Variants in ERBB4 observed in about 807,000 individuals in gnomAD.
ERBB4 encodes erb-b2 receptor tyrosine kinase 4.
In ERBB4, 42 loss-of-function variants were observed where a neutral mutation model predicts 158.0. The observed-to-expected ratio is 0.27, with a 90% CI of 0.21 to 0.34. The LOEUF (loss-of-function observed/expected upper bound fraction) is 0.34, where lower values mean the gene tolerates loss of function less well. ERBB4 is among the 10% of genes least tolerant of loss of function. The pLI is 1.00. For missense variants in ERBB4, 1,333 were observed against 1,624.1 expected (o/e 0.82, Z 3.08); for synonymous variants, 583 against 558.7 (o/e 1.04, Z -0.61).
At chr2:212,311,443 A>G (rs1416207439) in intron 1 of ERBB4, among the ~76,000 whole-genome samples, 1 of 150,876 alleles carries the variant, frequency 6.6e-6, no homozygotes, top group African/African-American at 2.4e-5. Context: ...TCCTATCACC[A>G]TAGAGTTGCA....
intron 10 of ERBB4, among the ~76,000 whole-genome samples, 161 bp from the exon 11 acceptor site, chr2:211,704,355 C>G (rs183018786): frequency 4.6e-5 from 7 of 152,244 alleles, no homozygotes; most frequent in Non-Finnish European, 1.0e-4. Context: ...TGTATTCTTC[C>G]AAGATTGAGT....
intron 5 of ERBB4, among the ~76,000 whole-genome samples, chr2:211,741,868 T>G: frequency 6.6e-6 from 1 of 152,232 alleles, no homozygotes; most frequent in Non-Finnish European, 1.5e-5. Context: ...TATCAACTTA[T>G]GTCAAAATGA....
At chr2:212,400,995 C>T (rs975300955) in intron 1 of ERBB4, among the ~76,000 whole-genome samples, 2 of 152,092 alleles carry the variant, frequency 1.3e-5, no homozygotes, top group African/African-American at 4.8e-5. Flanking sequence ...AAGTAAATTG[C>T]TAGAGAATGC....
intron 9 of ERBB4, among the ~76,000 whole-genome samples, chr2:211,709,162 A>AT (rs1222041373): frequency 6.7e-6 from 1 of 150,276 alleles, no homozygotes; most frequent in African/African-American, 2.5e-5. Flanking sequence ...ACCTGTTTCC[A>AT]TTTTTTATTG....
At chr2:211,448,806 A>G (rs1361524937) in intron 20 of ERBB4, among the ~76,000 whole-genome samples, 1 of 152,172 alleles carries the variant, frequency 6.6e-6, no homozygotes, top group Non-Finnish European at 1.5e-5. Context: ...CACTGAGGTC[A>G]TGCATCTTCT....
intron 1 of ERBB4, among the ~76,000 whole-genome samples, chr2:212,307,732 G>A (rs2086865697): frequency 6.6e-6 from 1 of 151,124 alleles, no homozygotes; most frequent in Non-Finnish European, 1.5e-5. Flanking sequence ...TCACAGTCTA[G>A]TGTTTAAAAT....
intron 2 of ERBB4, among the ~76,000 whole-genome samples, chr2:212,113,761 T>C (rs982410354): frequency 3.3e-5 from 5 of 152,048 alleles, no homozygotes; most frequent in Non-Finnish European, 7.4e-5. Flanking sequence ...TAGGTTTCTA[T>C]GTAAGAGTGT....
intron 1 of ERBB4, among the ~76,000 whole-genome samples, chr2:212,356,439 G>A (rs971646526): frequency 3.3e-5 from 5 of 151,778 alleles, no homozygotes; most frequent in African/African-American, 1.2e-4. Context: ...AAATCTGATG[G>A]CTCTACTAAT....
At chr2:212,096,130 TA>T (rs1257549670) in intron 2 of ERBB4, among the ~76,000 whole-genome samples, 1 of 151,900 alleles carries the variant, frequency 6.6e-6, no homozygotes, top group African/African-American at 2.4e-5. Flanking sequence ...TTTTAATTTA[TA>T]AAAGGAAAAT....
chr2:212,140,236 T>C (rs76482696), intron 1 of ERBB4, among the ~76,000 whole-genome samples: 8,752 of 151,080 alleles, frequency 0.058, 344 homozygotes, highest in East Asian at 0.1. Flanking sequence ...AGATACTTTT[T>C]AAGAATATAT....
chr2:211,549,544 C>T (rs1036042170), intron 20 of ERBB4, among the ~76,000 whole-genome samples: 20 of 152,064 alleles, frequency 1.3e-4, no homozygotes, highest in Non-Finnish European at 2.2e-4. Context: ...GCCCTAGCCA[C>T]GTTGATCGGG....
At chr2:211,384,977 C>T (rs75565990) in intron 27 of ERBB4, among the ~76,000 whole-genome samples, 1,593 of 152,036 alleles carry the variant, frequency 0.01, 15 homozygotes, top group Non-Finnish European at 0.018. Flanking sequence ...GACATAAACA[C>T]GCATGTATTG....
At chr2:211,628,735 G>T (rs1482310937) in intron 17 of ERBB4, among the ~76,000 whole-genome samples, 1 of 152,190 alleles carries the variant, frequency 6.6e-6, no homozygotes, top group Non-Finnish European at 1.5e-5. Context: ...GATCGCTGAG[G>T]AATCACCACA....
intron 3 of ERBB4, among the ~76,000 whole-genome samples, chr2:211,815,066 C>A (rs527862427): frequency 6.6e-6 from 1 of 152,128 alleles, no homozygotes; most frequent in African/African-American, 2.4e-5. Flanking sequence ...CGCATGGGGA[C>A]CCTATTCATT....
intron 2 of ERBB4, among the ~76,000 whole-genome samples, chr2:212,045,789 T>C (rs2077247441): frequency 6.6e-6 from 1 of 152,184 alleles, no homozygotes; most frequent in African/African-American, 2.4e-5. Context: ...TCTGCTGAAA[T>C]AACCAAGAGT....
intron 1 of ERBB4, among the ~76,000 whole-genome samples, chr2:212,130,069 G>A (rs1054563240): frequency 2.0e-5 from 3 of 151,974 alleles, no homozygotes; most frequent in African/African-American, 4.8e-5. Flanking sequence ...ACAAGACAAC[G>A]CTTAAACCAT....
At chr2:212,318,551 A>C (rs1221837133) in intron 1 of ERBB4, among the ~76,000 whole-genome samples, 1 of 151,636 alleles carries the variant, frequency 6.6e-6, no homozygotes, top group Non-Finnish European at 1.5e-5. Flanking sequence ...AAATCAGAAA[A>C]AAAAGAAGTG....
At chr2:211,683,813 A>G (rs2072454667) in intron 12 of ERBB4, among the ~76,000 whole-genome samples, 1 of 151,736 alleles carries the variant, frequency 6.6e-6, no homozygotes, top group Admixed American at 6.6e-5. Context: ...CTCACCAACC[A>G]TGTATTCATT....
rs538544736 is a variant in ERBB4 at position 211,596,921 on chromosome 2, T to C, written c.2301+22256A>G. 2.0e-3 allele frequency among the ~76,000 whole-genome samples: 310 copies of C among 152,226 alleles called. 2 individuals are homozygous for C. The highest frequency in any genetic ancestry group is 7.1e-3 in the African/African-American group (297 of 41,540). On this transcript the variant is annotated intron_variant, in intron 19 of 27. Coordinates refer to ENST00000342788, the MANE Select transcript of ERBB4 (RefSeq NM_005235.3). Reference sequence around the variant, plus strand: ...CTGGAATTACACGTGCCTGCCACCATGCCCAGCTAATCTTTTGTATTTTTA... The same window carrying C: ...CTGGAATTACACGTGCCTGCCACCACGCCCAGCTAATCTTTTGTATTTTTA...
Sources: gnomAD v4.1 joint callset for allele counts (sites outside exome capture counted in the v4.1 genomes callset) on GRCh38, gnomAD v4.1.1 for gene constraint, MANE v1.5 for transcripts, NCBI Gene and HGNC (gene_info 2026-07-23, HGNC 2026-07-21) for gene names.